Variants in GAB2 observed in about 807,000 individuals in gnomAD.
GAB2 encodes the protein GRB2 associated binding protein 2, also known as GRB2-associated-binding protein 2.
Under a neutral mutation model 65.5 loss-of-function variants are expected in GAB2, and 26 were observed. The ratio of observed to expected loss-of-function variants is 0.40; its 90% CI spans 0.29 to 0.55. The LOEUF is 0.55. Ranked by LOEUF, GAB2 falls within the 20% of genes least tolerant of loss-of-function variation. The pLI is 0.53. For synonymous variants in GAB2, 321 were observed against 329.6 expected (o/e 0.97, Z 0.28); for missense variants, 884 against 875.8 (o/e 1.01, Z -0.12).
chr11:78,227,631 C>CAAAAAAAAAAAAAAAAAAAAAAA lies in GAB2; in HGVS notation c.621-581_621-580insTTTTTTTTTTTTTTTTTTTTTTT, dbSNP rs55716895. ...GAACACAATAAGACTCCATTGCCAC[C>CAAAAAAAAAAAAAAAAAAAAAAA]AAAAAAAAAAAAAAAAGAACTAGCT... On this transcript the variant is annotated intron_variant, in intron 3 of 9. Transcript: ENST00000361507. Among the ~76,000 whole-genome samples the CAAAAAAAAAAAAAAAAAAAAAAA allele has an allele frequency of 1.4e-3, 152 of 106,066 alleles. 3 individuals are homozygous for CAAAAAAAAAAAAAAAAAAAAAAA. The highest frequency in any genetic ancestry group is 5.2e-3 in the African/African-American group (144 of 27,538). The allele number at this position is 106,066 out of a possible 152,430, so 69.6% of individuals were successfully genotyped here.
At position 78,248,875 on chromosome 11, in the gene GAB2, C is replaced by A. The variant is rs149495159; in HGVS notation, c.620+1282G>T. Reference sequence around the variant, plus strand: ...TCTCTGGTTAGTGATTCGGGAGAATCAGGTACTATTTACAGTTAACGCCAC... The same window carrying A: ...TCTCTGGTTAGTGATTCGGGAGAATAAGGTACTATTTACAGTTAACGCCAC... On this transcript the variant is annotated intron_variant, in intron 3 of 9. Transcript: ENST00000361507. Among the ~76,000 whole-genome samples, 8 of 152,040 alleles carry A rather than the reference C, an allele frequency of 5.3e-5. 1 individual carries two copies. In the East Asian group the frequency reaches 1.5e-3, roughly 29 times the overall value.
intron 1 of GAB2, among the ~76,000 whole-genome samples, chr11:78,289,435 T>A (rs752657165): frequency 3.3e-5 from 5 of 152,146 alleles, no homozygotes; most frequent in Non-Finnish European, 7.3e-5. Context: ...ATCTTTGGGA[T>A]CTAAGGTACA....
chr11:78,305,570 T>C (rs767273095), intron 1 of GAB2, among the ~76,000 whole-genome samples: 19 of 152,278 alleles, frequency 1.2e-4, no homozygotes, highest in Admixed American at 4.6e-4. Flanking sequence ...CCTCTTTGTG[T>C]GGAGGTAAGT....
At chr11:78,409,667 A>G (rs1190934077) in intron 1 of GAB2, among the ~76,000 whole-genome samples, 1 of 152,242 alleles carries the variant, frequency 6.6e-6, no homozygotes, top group Non-Finnish European at 1.5e-5. Flanking sequence ...TCACAATTAT[A>G]GTTGGAAACT....
chr11:78,274,817 G>A (rs1222421161), intron 2 of GAB2, among the ~76,000 whole-genome samples: 1 of 152,166 alleles, frequency 6.6e-6, no homozygotes, highest in Non-Finnish European at 1.5e-5. Flanking sequence ...GTCCAAAGGG[G>A]CAAAAATATC....
At chr11:78,232,746 G>A (rs1453046935) in intron 3 of GAB2, among the ~76,000 whole-genome samples, 2 of 152,008 alleles carry the variant, frequency 1.3e-5, no homozygotes, top group Non-Finnish European at 2.9e-5. Flanking sequence ...CCACATAAAT[G>A]AAAAAAGAGA....
intron 3 of GAB2, among the ~76,000 whole-genome samples, chr11:78,244,503 C>T (rs1865237849): frequency 6.6e-6 from 1 of 151,754 alleles, no homozygotes; most frequent in African/African-American, 2.4e-5. Context: ...TGGGAGAAAG[C>T]CATTCTGCAA....
intron 1 of GAB2, among the ~76,000 whole-genome samples, chr11:78,294,436 T>C (rs1866769356): frequency 6.6e-6 from 1 of 152,312 alleles, no homozygotes; most frequent in Non-Finnish European, 1.5e-5. Flanking sequence ...TACCCAGTAA[T>C]GGGATTGCTG....
At chr11:78,277,560 C>A (rs1866209627) in intron 2 of GAB2, among the ~76,000 whole-genome samples, 2 of 152,226 alleles carry the variant, frequency 1.3e-5, no homozygotes, top group Admixed American at 6.5e-5. Context: ...CACTATGAGG[C>A]AAAATGGTCG....
chr11:78,409,990 A>C (rs945301538), intron 1 of GAB2, among the ~76,000 whole-genome samples: 5 of 152,288 alleles, frequency 3.3e-5, no homozygotes, highest in Admixed American at 1.3e-4. Context: ...ATCTCCAAAC[A>C]TTTGGAAACT....
At chr11:78,278,350 G>A (rs1033110246) in intron 2 of GAB2, among the ~76,000 whole-genome samples, 6 of 151,612 alleles carry the variant, frequency 4.0e-5, no homozygotes, top group African/African-American at 7.3e-5. Flanking sequence ...GCTTACAGGC[G>A]TGAGTCACCG....
At chr11:78,376,809 C>G (rs926457406) in intron 1 of GAB2, among the ~76,000 whole-genome samples, 1 of 152,078 alleles carries the variant, frequency 6.6e-6, no homozygotes, top group East Asian at 1.9e-4. Context: ...GTGACTTAAA[C>G]AACAGACTGA....
intron 1 of GAB2, among the ~76,000 whole-genome samples, chr11:78,305,273 AT>A (rs1028525121): frequency 6.6e-6 from 1 of 152,066 alleles, no homozygotes; most frequent in African/African-American, 2.4e-5. Context: ...GTCTTTTTTT[AT>A]TTTTTTATAG....
At chr11:78,286,436 A>C (rs10899453) in intron 1 of GAB2, among the ~76,000 whole-genome samples, 30,417 of 151,648 alleles carry the variant, frequency 0.2, 3,298 homozygotes, top group East Asian at 0.4. Flanking sequence ...CCCGGGTTTG[A>C]CATTTCTACT....
chr11:78,238,614 A>T (rs1027793427), intron 3 of GAB2, among the ~76,000 whole-genome samples: 7 of 152,110 alleles, frequency 4.6e-5, no homozygotes, highest in African/African-American at 1.7e-4. Flanking sequence ...CTTTACCTTA[A>T]AACAGATAAA....
intron 1 of GAB2, among the ~76,000 whole-genome samples, chr11:78,324,337 G>A (rs1175889298): frequency 1.3e-5 from 2 of 152,120 alleles, no homozygotes; most frequent in Admixed American, 6.6e-5. Context: ...TTATGATGCT[G>A]TGATGGTGTA....
intron 1 of GAB2, among the ~76,000 whole-genome samples, chr11:78,328,731 C>A (rs1452173058): frequency 8.6e-6 from 1 of 116,620 alleles, no homozygotes; most frequent in Non-Finnish European, 1.6e-5. Context: ...CAAAACTAAT[C>A]TATGGTAGAA....
chr11:78,389,004 T>C (rs1357162655), intron 1 of GAB2, among the ~76,000 whole-genome samples: 2 of 152,074 alleles, frequency 1.3e-5, no homozygotes, highest in African/African-American at 4.8e-5. Flanking sequence ...AGGATGTCAA[T>C]AGAATTCAAA....
At chr11:78,247,461 T>C (rs1590963867) in intron 3 of GAB2, among the ~76,000 whole-genome samples, 1 of 152,332 alleles carries the variant, frequency 6.6e-6, no homozygotes, top group African/African-American at 2.4e-5. Context: ...TCTTGTAGGC[T>C]GGGTCCAAAA....
Sources: gnomAD v4.1 joint callset for allele counts (sites outside exome capture counted in the v4.1 genomes callset) on GRCh38, gnomAD v4.1.1 for gene constraint, MANE v1.5 for transcripts, NCBI Gene and HGNC (gene_info 2026-07-23, HGNC 2026-07-21) for gene names.